The following EIF4G3 variants were observed in gnomAD, a reference collection of about 807,000 sequenced individuals.
EIF4G3 encodes the protein eIF-4-gamma 3.
EIF4G3 carries 34 observed loss-of-function variants against 186.4 expected under a neutral mutation model. That is an observed-to-expected ratio of 0.18 (90% CI 0.14 to 0.24). The LOEUF is 0.24. Among genes scored for constraint, EIF4G3 ranks in the 10% least tolerant of loss-of-function variants. EIF4G3 has a pLI of 1.00. For synonymous variants in EIF4G3, 673 were observed against 679.5 expected (o/e 0.99, Z 0.15); for missense variants, 1,536 against 1,948.5 (o/e 0.79, Z 3.99).
intron 12 of EIF4G3, among the ~76,000 whole-genome samples, chr1:20,966,177 C>T (rs1383621541): frequency 2.0e-5 from 3 of 152,140 alleles, no homozygotes; most frequent in Admixed American, 1.3e-4. Flanking sequence ...ACAGCATAAG[C>T]AATTATGTCT....
chr1:21,092,336 G>A (rs186303377), intron 2 of EIF4G3, among the ~76,000 whole-genome samples: 32 of 152,220 alleles, frequency 2.1e-4, no homozygotes, highest in African/African-American at 6.5e-4. Flanking sequence ...TCCCAGTGAC[G>A]AAGCCCACTT....
At chr1:20,921,025 TA>T (rs1263944306) in intron 14 of EIF4G3, among the ~76,000 whole-genome samples, 11 of 152,184 alleles carry the variant, frequency 7.2e-5, no homozygotes, top group African/African-American at 1.9e-4. Context: ...TAGAACTGTT[TA>T]TAAAAATTAT....
intron 3 of EIF4G3, among the ~76,000 whole-genome samples, chr1:21,052,140 C>A (rs549094451): frequency 3.3e-5 from 5 of 152,028 alleles, no homozygotes; most frequent in South Asian, 2.1e-4. Flanking sequence ...CATGTTTTTA[C>A]GTAACCAAAA....
At chr1:20,894,647 T>A (rs1558118198) in intron 17 of EIF4G3, among the ~76,000 whole-genome samples, 1 of 152,288 alleles carries the variant, frequency 6.6e-6, no homozygotes, top group East Asian at 1.9e-4. Context: ...TAGGCATAAA[T>A]CGGTTAAGAG....
chr1:20,974,843 GC>G (rs1172995811), intron 10 of EIF4G3, among the ~76,000 whole-genome samples: 2 of 152,068 alleles, frequency 1.3e-5, no homozygotes, highest in Non-Finnish European at 1.5e-5. Context: ...TAAAAGATTG[GC>G]TTTCCATAGA....
At position 20,942,040 on chromosome 1, in the gene EIF4G3, G is replaced by T; in HGVS notation, c.1114C>A (p.Leu372Ile). The T allele has an allele frequency of 6.2e-7, 1 of 1,614,190 alleles. No homozygotes were observed. Among genetic ancestry groups the T allele is most frequent in the Non-Finnish European group, 8.5e-7 (1 of 1,180,020 alleles). ...TCTGATGTTTCTGTGCAAGATGTGAGGCTGGGTATAGGAATTGTGTCTTCT... is the reference window on the plus strand; with the variant it reads ...TCTGATGTTTCTGTGCAAGATGTGATGCTGGGTATAGGAATTGTGTCTTCT... ...PREDTIPIPS[L>I]TSCTETSDPL... The change falls in exon 14 of 37, where the codon CTC becomes ATC. Residue 372 changes from leucine (L) to isoleucine (I), a missense_variant. By Grantham distance (5) the Leu-to-Ile change is conservative. Coordinates refer to ENST00000602326, the MANE Select transcript of EIF4G3 (RefSeq NM_001391906.1).
intron 8 of EIF4G3, 131 bp downstream of exon 8, chr1:20,982,257 T>TAA: frequency 2.9e-6 from 2 of 691,460 alleles, no homozygotes; most frequent in Non-Finnish European, 4.5e-6. Flanking sequence ...ACTGCAAGAT[T>TAA]AAAAGCCTTG....
intron 30 of EIF4G3, among the ~76,000 whole-genome samples, chr1:20,836,427 T>A (rs2066786349): frequency 6.6e-6 from 1 of 151,996 alleles, no homozygotes; most frequent in Non-Finnish European, 1.5e-5. Context: ...GTTAATTTTT[T>A]TTACAGATGG....
intron 30 of EIF4G3, among the ~76,000 whole-genome samples, chr1:20,839,799 T>A (rs1177202328): frequency 6.6e-6 from 1 of 151,936 alleles, no homozygotes; most frequent in African/African-American, 2.4e-5. Flanking sequence ...AACAATGACA[T>A]TTAATGGTTA....
At chr1:21,002,306 C>CA (rs1257054962) in intron 5 of EIF4G3, among the ~76,000 whole-genome samples, 1 of 152,140 alleles carries the variant, frequency 6.6e-6, no homozygotes, top group African/African-American at 2.4e-5. Flanking sequence ...TCCTGCTTCC[C>CA]AAAACCACTG....
chr1:20,931,750 C>G (rs2095321508), intron 14 of EIF4G3, among the ~76,000 whole-genome samples: 1 of 152,042 alleles, frequency 6.6e-6, no homozygotes, highest in South Asian at 2.1e-4. Flanking sequence ...CATGGTGAAA[C>G]CCTGTCTCTA....
chr1:20,901,625 C>G (rs768187883), intron 15 of EIF4G3, among the ~76,000 whole-genome samples: 29 of 152,032 alleles, frequency 1.9e-4, no homozygotes, highest in Non-Finnish European at 5.9e-5. Context: ...TATAAAGAAA[C>G]TAGTTCTATG....
At chr1:21,006,620 TTAA>T (rs1570814538) in intron 4 of EIF4G3, among the ~76,000 whole-genome samples, 1 of 152,212 alleles carries the variant, frequency 6.6e-6, no homozygotes, top group South Asian at 2.1e-4. Context: ...ATGATGTAAA[TTAA>T]TAATGTTACT....
chr1:20,928,777 A>G (rs2095114365), intron 14 of EIF4G3, among the ~76,000 whole-genome samples: 1 of 152,142 alleles, frequency 6.6e-6, no homozygotes, highest in Non-Finnish European at 1.5e-5. Flanking sequence ...AAACTATACA[A>G]TTTAATGGTC....
At chr1:20,966,840 TAA>T (rs1027955442) in intron 12 of EIF4G3, among the ~76,000 whole-genome samples, 3 of 152,156 alleles carry the variant, frequency 2.0e-5, no homozygotes, top group African/African-American at 7.2e-5. Flanking sequence ...CTGTTTTTCT[TAA>T]GAGGAAAATG....
At chr1:20,970,611 T>TA (rs894000722) in intron 11 of EIF4G3, among the ~76,000 whole-genome samples, 167 of 139,082 alleles carry the variant, frequency 1.2e-3, no homozygotes, top group Middle Eastern at 4.6e-3. Context: ...AGACTCCATT[T>TA]AAAAAAAAAA....
At chr1:21,104,308 CCAAA>C (rs1362435073) in intron 2 of EIF4G3, among the ~76,000 whole-genome samples, 1 of 152,114 alleles carries the variant, frequency 6.6e-6, no homozygotes, top group Non-Finnish European at 1.5e-5. Flanking sequence ...AAGTACTAAA[CCAAA>C]CAACTTGTGG....
intron 20 of EIF4G3, among the ~76,000 whole-genome samples, chr1:20,875,808 A>C (rs1000870786): frequency 6.6e-6 from 1 of 152,126 alleles, no homozygotes; most frequent in East Asian, 1.9e-4. Flanking sequence ...GCTACTCAGG[A>C]AGCTGAGGTG....
At chr1:21,019,026 A>C (rs546099495) in intron 4 of EIF4G3, among the ~76,000 whole-genome samples, 4 of 152,058 alleles carry the variant, frequency 2.6e-5, no homozygotes, top group African/African-American at 9.7e-5. Flanking sequence ...CAACTGAAAA[A>C]AAGTTTTTTT....
Sources: allele counts gnomAD v4.1 joint callset (sites outside exome capture counted in the v4.1 genomes callset), GRCh38; gene constraint gnomAD v4.1.1; transcripts MANE v1.5; gene names NCBI Gene and HGNC (gene_info 2026-07-23, HGNC 2026-07-21).